NSD2: variants seen among roughly 807,000 people sequenced by gnomAD.
NSD2 encodes the protein histone-lysine N-methyltransferase NSD2.
In NSD2, 12 loss-of-function variants were observed where a neutral mutation model predicts 139.0. The ratio of observed to expected loss-of-function variants is 0.09; its 90% CI spans 0.06 to 0.14. The LOEUF is 0.14. NSD2 is among the 10% of genes least tolerant of loss of function. The pLI is 1.00. For missense variants in NSD2, 1,155 were observed against 1,745.0 expected, an observed-to-expected ratio of 0.66 and a Z score of 6.02; for synonymous variants, 669 against 648.7, an observed-to-expected ratio of 1.03 and a Z score of -0.48.
At chr4:1,922,979 G>A (rs1233066799) in intron 5 of NSD2, among the ~76,000 whole-genome samples, 1 of 152,004 alleles carries the variant, frequency 6.6e-6, no homozygotes, top group African/African-American at 2.4e-5. Flanking sequence ...CCCAAGACGG[G>A]GCCCAGAACA....
rs1553874804 is a variant in NSD2 at position 1,947,212 on chromosome 4, G to A, written c.1882-3860G>A. The A allele has an allele frequency of 3.8e-6, 4 of 1,064,540 alleles. No homozygotes were observed. In the East Asian group the frequency reaches 2.0e-4, roughly 53 times the overall value. 65.9% of individuals were successfully genotyped at this position (1,064,540 alleles called of 1,614,324 possible). A position where few individuals can be genotyped will look rare whatever the true frequency, so the allele number is the denominator to read the frequency against. On this transcript the variant is annotated intron_variant, in intron 9 of 21. Coordinates refer to ENST00000508803, the MANE Select transcript of NSD2 (RefSeq NM_001042424.3). ...GATGGCCGCTGCTCAGGACACAGTG[G>A]GACAAAGTTGGGTTGATAGGATATT...
chr4:1,978,372 C>T (rs1358969041), intron 21 of NSD2, among the ~76,000 whole-genome samples: 1 of 152,128 alleles, frequency 6.6e-6, no homozygotes, highest in African/African-American at 2.4e-5. Flanking sequence ...ACTCCTGCAC[C>T]CGGCACAGCT....
In NSD2 at chr4:1,900,681, C is replaced by G; in HGVS notation, c.27C>G (p.Pro9=). The G allele has an allele frequency of 6.2e-7, 1 of 1,600,296 alleles. No individual in the cohort carries two copies. Among genetic ancestry groups the G allele is most frequent in the Non-Finnish European group, 8.5e-7 (1 of 1,171,526 alleles). MEFSIKQS[P]LSVQSVVKCI... ...TGGAATTTAGCATCAAGCAGAGTCC[C>G]CTTTCTGTTCAGAGTGTTGTAAAGT... Residue 9 remains proline, a synonymous_variant, in exon 2 of 22, where the codon CCC becomes CCG. Transcript: ENST00000508803.
chr4:1,931,432 G>C (rs1462776434), intron 6 of NSD2, among the ~76,000 whole-genome samples: 3 of 152,180 alleles, frequency 2.0e-5, no homozygotes, highest in Non-Finnish European at 2.9e-5. Context: ...ACAGTGGTTA[G>C]ATTTGTGATA....
intron 3 of NSD2, among the ~76,000 whole-genome samples, chr4:1,908,711 G>T (rs141927913): frequency 1.8e-3 from 268 of 152,240 alleles, no homozygotes; most frequent in African/African-American, 6.2e-3. Context: ...AAAGGCACAG[G>T]TCCCCATTGT....
At chr4:1,934,878 A>AAAAT (rs1560695042) in intron 6 of NSD2, among the ~76,000 whole-genome samples, 1 of 22,060 alleles carries the variant, frequency 4.5e-5, no homozygotes, top group African/African-American at 2.1e-4. Flanking sequence ...AAAAAAAAAA[A>AAAAT]ATATATATAT....
chr4:1,899,710 T>C (rs939150001), intron 1 of NSD2, among the ~76,000 whole-genome samples: 6 of 152,200 alleles, frequency 3.9e-5, no homozygotes, highest in African/African-American at 1.4e-4. Context: ...TTAGGGACTG[T>C]AGCTTTGCAG....
intron 3 of NSD2, among the ~76,000 whole-genome samples, chr4:1,913,189 C>G (rs765859258): frequency 1.7e-4 from 26 of 152,258 alleles, no homozygotes; most frequent in Non-Finnish European, 3.4e-4. Context: ...CTCTGTCACG[C>G]CCAGACAGGG....
chr4:1,946,771 A>C, intron 9 of NSD2: 2 of 1,049,904 alleles, frequency 1.9e-6, no homozygotes, highest in Non-Finnish European at 2.3e-6. Context: ...TCTGATTCCT[A>C]TACTGGATGA....
intron 9 of NSD2, 87 bp from the exon 10 acceptor site, chr4:1,950,985 G>A (rs1195903107): frequency 7.1e-6 from 11 of 1,543,776 alleles, no homozygotes; most frequent in Middle Eastern, 2.2e-4. Context: ...GGGTGGTGGG[G>A]TGGGGCGGGA....
rs479534 is a variant in NSD2 at position 1,972,346 on chromosome 4, T to C, written c.3373-2517T>C. On this transcript the variant is annotated intron_variant, in intron 18 of 21. Transcript: ENST00000508803. The surrounding 1 kb of genome is among the most constrained non-coding windows in gnomAD (Gnocchi z 4.0). ...CTGTGAGGGTGGAAATCTTCCCCAG[T>C]GCAAGCTCGTTGTAGGTGCGATAAA... Among the ~76,000 whole-genome samples the C allele has an allele frequency of 6.6e-6, 1 of 152,222 alleles. No individual in the cohort carries two copies. Among genetic ancestry groups the C allele is most frequent in the African/African-American group, 2.4e-5 (1 of 41,456 alleles).
rs190228594 is a variant in NSD2 at position 1,925,501 on chromosome 4, C to T, written c.1411-5125C>T. Among the ~76,000 whole-genome samples, 12 of 144,748 alleles carry T rather than the reference C, an allele frequency of 8.3e-5. No homozygotes were observed. In the East Asian group the frequency reaches 1.0e-3, roughly 13 times the overall value. The allele number at this position is 144,748 out of a possible 152,430, so 95.0% of individuals were successfully genotyped here. On this transcript the variant is annotated intron_variant, in intron 5 of 21. Coordinates refer to ENST00000508803, the MANE Select transcript of NSD2 (RefSeq NM_001042424.3). ...GCAACCTCCTCCCCCCGGGTTCAAG[C>T]GATTCTCCTGCCTCAGCCTCCCGAG...
intron 1 of NSD2, among the ~76,000 whole-genome samples, chr4:1,897,902 CAGGCATGAG>C (rs1716579600): frequency 6.6e-6 from 1 of 152,252 alleles, no homozygotes; most frequent in Non-Finnish European, 1.5e-5. Context: ...GCTGGGATTG[CAGGCATGAG>C]CCACCTCACC....
rs1182070990 is a variant in NSD2 at position 1,879,685 on chromosome 4, C to A, written c.-30+8143C>A. ...ATGAGCCGTGCCCTGTCCCATGGAT[C>A]TTTGCATGTGCTGTTGCTTCTTCCT... On this transcript the variant is annotated intron_variant, in intron 1 of 21. Transcript: ENST00000508803. Among the ~76,000 whole-genome samples, 5 of 152,018 alleles carry A rather than the reference C, an allele frequency of 3.3e-5. No individual in the cohort carries two copies. The East Asian group carries it at 9.6e-4, about 29-fold the overall frequency.
intron 1 of NSD2, among the ~76,000 whole-genome samples, chr4:1,876,785 A>G (rs764719975): frequency 9.9e-5 from 15 of 152,244 alleles, no homozygotes; most frequent in East Asian, 5.8e-4. Flanking sequence ...TGGAACCTCA[A>G]TTTTTAAGTT....
rs769268489 is a variant in NSD2 at position 1,951,054 on chromosome 4, C to T, written c.1882-18C>T. On this transcript the variant is annotated intron_variant, in intron 9 of 21. Coordinates refer to ENST00000508803, the MANE Select transcript of NSD2 (RefSeq NM_001042424.3). ...GTTCTGCGACTAGTGAACTGTCATC[C>T]GCCTCCTTCATCTCTAGGTCTCGGA... 147 of 1,613,418 alleles carry T rather than the reference C, an allele frequency of 9.1e-5. No homozygotes were observed. Among genetic ancestry groups the T allele is most frequent in the Admixed American group, 4.8e-4 (29 of 59,992 alleles).
chr4:1,980,887 C>A lies in NSD2; in HGVS notation c.*1978C>A. 4.3e-6 allele frequency: 1 copy of A among 233,292 alleles called. No homozygotes were observed. Among genetic ancestry groups the A allele is most frequent in the Non-Finnish European group, 8.5e-6 (1 of 118,040 alleles). The allele number at this position is 233,292 out of a possible 1,614,324, so 14.5% of individuals were successfully genotyped here. A position where few individuals can be genotyped will look rare whatever the true frequency, so the allele number is the denominator to read the frequency against. ...TGGATCGGCTCATAGATTTATGCTC[C>A]TTATGATGCCCTAACTTGGAAGGTT... On this transcript the variant is annotated 3_prime_UTR_variant, in exon 22 of 22. Transcript: ENST00000508803.
At chr4:1,893,529 TTTTTTTG>T (rs1424180497) in intron 1 of NSD2, among the ~76,000 whole-genome samples, 68 of 151,284 alleles carry the variant, frequency 4.5e-4, no homozygotes, top group Admixed American at 9.2e-4. Context: ...ATTTTGCCTC[TTTTTTTG>T]TTTTTTGTTT....
intron 3 of NSD2, among the ~76,000 whole-genome samples, chr4:1,912,594 A>G (rs573278860): frequency 3.8e-4 from 57 of 151,504 alleles, no homozygotes; most frequent in Non-Finnish European, 4.4e-4. Flanking sequence ...AGTTTCTCCT[A>G]TTTATATATT....
Sources: gnomAD v4.1 joint callset for allele counts (sites outside exome capture counted in the v4.1 genomes callset) on GRCh38, gnomAD v4.1.1 for gene constraint, Gnocchi (gnomAD v3.1) non-coding constraint, MANE v1.5 for transcripts, NCBI Gene and HGNC (gene_info 2026-07-23, HGNC 2026-07-21) for gene names.